CDH12: variants seen among roughly 807,000 people sequenced by gnomAD.
The protein encoded by CDH12 is cadherin-12.
A neutral mutation model predicts 74.1 loss-of-function variants in CDH12; 41 were observed. The observed-to-expected ratio is 0.55, with a 90% CI of 0.43 to 0.72. The LOEUF is 0.72. Among genes scored for constraint, CDH12 ranks in the 30% least tolerant of loss-of-function variants. CDH12 has a pLI of 0.00. For synonymous variants in CDH12, 399 were observed against 355.0 expected (o/e 1.12, Z -1.39); for missense variants, 945 against 977.2 (o/e 0.97, Z 0.44).
intron 5 of CDH12, among the ~76,000 whole-genome samples, chr5:22,009,503 G>C (rs1027554344): frequency 6.6e-6 from 1 of 152,074 alleles, no homozygotes; most frequent in Admixed American, 6.6e-5. Context: ...TTGGTGATTA[G>C]AACTGACGAG....
At chr5:21,789,375 G>C (rs551386555) in intron 10 of CDH12, among the ~76,000 whole-genome samples, 62 of 152,224 alleles carry the variant, frequency 4.1e-4, no homozygotes, top group African/African-American at 1.4e-3. Context: ...ACATAGGAGT[G>C]GGAGCGGGGA....
intron 4 of CDH12, among the ~76,000 whole-genome samples, chr5:22,184,341 A>C (rs2150340335): frequency 6.6e-6 from 1 of 152,308 alleles, no homozygotes; most frequent in Admixed American, 6.5e-5. Context: ...CCATTTCCAA[A>C]AAATATATAT....
intron 3 of CDH12, among the ~76,000 whole-genome samples, chr5:22,276,086 T>C (rs181393284): frequency 6.6e-6 from 1 of 152,328 alleles, no homozygotes; most frequent in East Asian, 1.9e-4. Context: ...GAGGTTGGAA[T>C]GTATAATTCA....
At chr5:22,769,524 T>C (rs1253196663) in intron 1 of CDH12, among the ~76,000 whole-genome samples, 3 of 152,082 alleles carry the variant, frequency 2.0e-5, no homozygotes, top group Non-Finnish European at 4.4e-5. Flanking sequence ...ACTACTGGCT[T>C]TCTACCTCCT....
chr5:22,152,319 C>T (rs2150310638), intron 4 of CDH12: 1 of 152,238 alleles, frequency 6.6e-6, no homozygotes, highest in Middle Eastern at 3.4e-3. Context: ...AGACAATATG[C>T]TGAACATTAG....
At chr5:21,851,007 A>G (rs919640502) in intron 7 of CDH12, among the ~76,000 whole-genome samples, 8 of 151,384 alleles carry the variant, frequency 5.3e-5, no homozygotes, top group Non-Finnish European at 8.9e-5. Context: ...TGAATTGTAC[A>G]CTTAAAATGG....
Position 21,756,999 on chromosome 5 carries a change from A to C in CDH12, c.1634-1157T>G, listed in dbSNP as rs138924571. Among the ~76,000 whole-genome samples the C allele has an allele frequency of 4.9e-3, 747 of 152,252 alleles. 5 individuals carry two copies. The highest frequency in any genetic ancestry group is 7.6e-3 in the Non-Finnish European group (516 of 68,016). ...AATCTTCAGCAATTGATGGTTGAAC[A>C]CTTGAGTCCGCGGAAAAGGAACAGG... is the stretch of plus-strand genomic sequence containing the variant. On this transcript the variant is annotated intron_variant, in intron 13 of 14. Transcript: ENST00000382254.
At position 21,751,792 on chromosome 5, in the gene CDH12, A is replaced by T; in HGVS notation, c.2330T>A (p.Val777Asp). The change falls in exon 15 of 15, where the codon GTC (valine) becomes GAC (aspartate). Residue 777 changes from valine (V) to aspartate (D), a missense_variant. Val to Asp is a radical substitution (Grantham distance 152). This residue lies in a region of CDH12 where 791 missense variants were observed against 792.8 expected (regional missense o/e 1.00). Coordinates refer to ENST00000382254, the MANE Select transcript of CDH12 (RefSeq NM_004061.5). ...TTCTTCGCCAAACATGTCTGCCAAG[A>T]CTTTAAAGCGGGGTCCCCAGTCTGT... is the stretch of plus-strand genomic sequence containing the variant. ...YLTDWGPRFK[V>D]LADMFGEEES... The T allele has an allele frequency of 6.2e-7, 1 of 1,613,942 alleles. No homozygotes were observed. The highest frequency in any genetic ancestry group is 1.1e-5 in the South Asian group (1 of 91,074).
At chr5:22,288,134 A>G (rs182807362) in intron 3 of CDH12, among the ~76,000 whole-genome samples, 3 of 152,152 alleles carry the variant, frequency 2.0e-5, no homozygotes, top group African/African-American at 7.2e-5. Context: ...TAAAATGTCT[A>G]ATTGTTAGGT....
At chr5:22,256,293 C>T (rs1753315120) in intron 3 of CDH12, among the ~76,000 whole-genome samples, 1 of 152,068 alleles carries the variant, frequency 6.6e-6, no homozygotes, top group Admixed American at 6.6e-5. Context: ...ATGGTGGTCC[C>T]ATAAGATTAT....
In CDH12 at chr5:22,511,086, G is replaced by A. The variant is rs538517111; in HGVS notation, c.-522-5722C>T. 5.9e-5 allele frequency among the ~76,000 whole-genome samples: 9 copies of A among 151,986 alleles called. No individual in the cohort carries two copies. The South Asian group carries it at 1.7e-3, about 28-fold the overall frequency. ...ATTTTTGTATTTTTAGTACAGACAG[G>A]GTTTCACCATGTTGGCCAAACTGAT... On this transcript the variant is annotated intron_variant, in intron 1 of 14. Coordinates refer to ENST00000382254, the MANE Select transcript of CDH12 (RefSeq NM_004061.5).
chr5:22,058,990 G>T lies in CDH12; in HGVS notation c.231+19456C>A, dbSNP rs997444526. ...GTTAAATTATTCCTAGTTCCCATGT[G>T]CTTCTTTTATGATACTACACGAGTA... On this transcript the variant is annotated intron_variant, in intron 5 of 14. Coordinates refer to ENST00000382254, the MANE Select transcript of CDH12 (RefSeq NM_004061.5). 2.6e-5 allele frequency among the ~76,000 whole-genome samples: 4 copies of T among 152,070 alleles called. 1 individual carries two copies. Among genetic ancestry groups the T allele is most frequent in the African/African-American group, 9.6e-5 (4 of 41,504 alleles).
At chr5:22,440,725 CA>C (rs962892612) in intron 2 of CDH12, among the ~76,000 whole-genome samples, 1 of 152,130 alleles carries the variant, frequency 6.6e-6, no homozygotes, top group Non-Finnish European at 1.5e-5. Flanking sequence ...ATTCTCACAT[CA>C]CCTTCTCTGA....
At position 22,102,353 on chromosome 5, in the gene CDH12, C is replaced by T. The variant is rs531046411; in HGVS notation, c.-186-23491G>A. ...AGTAGTGCGATGGTTTGAATGTGTC[C>T]TCCAAAAAGCATTTGTTGAAAACGT... On this transcript the variant is annotated intron_variant, in intron 4 of 14. Transcript: ENST00000382254. Among the ~76,000 whole-genome samples the T allele has an allele frequency of 3.9e-5, 6 of 152,022 alleles. 1 individual carries two copies. Among genetic ancestry groups the T allele is most frequent in the African/African-American group, 1.4e-4 (6 of 41,386 alleles).
chr5:22,796,908 G>A (rs1234805447), intron 1 of CDH12, among the ~76,000 whole-genome samples: 1 of 152,058 alleles, frequency 6.6e-6, no homozygotes, highest in East Asian at 1.9e-4. Context: ...GGAAAAGCAA[G>A]TTTCATAAAA....
rs530713058 is a variant in CDH12, at chr5:22,309,520, G to A, written c.-333+95737C>T. Among the ~76,000 whole-genome samples, 116 of 152,068 alleles carry A rather than the reference G, an allele frequency of 7.6e-4. 2 individuals carry two copies. In the South Asian group the frequency reaches 0.011, roughly 15 times the overall value. ...GATGTCTCGATATACATATATATAGGAAAGTGATTACTACAATAAAACCAA... is the reference window on the plus strand; with the variant it reads ...GATGTCTCGATATACATATATATAGAAAAGTGATTACTACAATAAAACCAA... On this transcript the variant is annotated intron_variant, in intron 3 of 14. Transcript: ENST00000382254.
intron 2 of CDH12, among the ~76,000 whole-genome samples, chr5:22,460,916 T>C (rs181551268): frequency 1.7e-3 from 263 of 151,112 alleles, no homozygotes; most frequent in African/African-American, 6.2e-3. Context: ...ATATGGGGTT[T>C]CACCATGTTG....
intron 4 of CDH12, among the ~76,000 whole-genome samples, chr5:22,080,344 G>A (rs1402618631): frequency 6.6e-6 from 1 of 152,068 alleles, no homozygotes; most frequent in Non-Finnish European, 1.5e-5. Flanking sequence ...CACCATACTT[G>A]AGATAAGATA....
At chr5:22,793,564 G>A (rs780443413) in intron 1 of CDH12, among the ~76,000 whole-genome samples, 4 of 152,100 alleles carry the variant, frequency 2.6e-5, no homozygotes, top group African/African-American at 4.8e-5. Flanking sequence ...ACAATTATAT[G>A]TCTTAGTCAC....
Sources: gnomAD v4.1 joint callset for allele counts (sites outside exome capture counted in the v4.1 genomes callset) on GRCh38, gnomAD v4.1.1 for gene constraint, gnomAD v4.1.1 regional missense constraint, MANE v1.5 for transcripts, NCBI Gene and HGNC (gene_info 2026-07-23, HGNC 2026-07-21) for gene names.